The following MTA3 variants were observed in gnomAD, a reference collection of about 807,000 sequenced individuals.
MTA3 encodes metastasis associated 1 family member 3, also known as metastasis-associated protein MTA3.
Under a neutral mutation model 83.5 loss-of-function variants are expected in MTA3, and 34 were observed. The observed-to-expected ratio is 0.41, with a 90% confidence interval of 0.31 to 0.54. The LOEUF is 0.54. MTA3 is among the 20% of genes least tolerant of loss of function. The pLI, the probability that MTA3 is intolerant of heterozygous loss-of-function variation, is 0.33. For missense variants in MTA3, 761 were observed against 726.4 expected (o/e 1.05, Z -0.55); for synonymous variants, 303 against 252.7 (o/e 1.20, Z -1.89).
rs1286672414 is a variant in MTA3 at position 42,755,405 on chromosome 2, G to A, written c.*2006G>A. ...GATTTGGAGACAGGAGTCAGGCCAG[G>A]TCTGAAGCAGGAGAAGGGAGGCCCC... On this transcript the variant is annotated 3_prime_UTR_variant, in exon 17 of 17. Transcript: ENST00000405094. 1.0e-6 allele frequency: 1 copy of A among 985,370 alleles called. No individual in the cohort carries two copies. Among genetic ancestry groups the A allele is most frequent in the African/African-American group, 1.7e-5 (1 of 57,246 alleles). 61.0% of individuals were successfully genotyped at this position (985,370 alleles called of 1,614,324 possible).
intron 3 of MTA3, 33 bp downstream of exon 3, chr2:42,579,233 T>G: frequency 6.7e-7 from 1 of 1,483,000 alleles, no homozygotes; most frequent in African/African-American, 1.4e-5. Context: ...AAAAAACGTT[T>G]TAAGTCTTGT....
intron 6 of MTA3, among the ~76,000 whole-genome samples, chr2:42,649,413 C>CAAAAAAA (rs575738534): frequency 7.7e-6 from 1 of 130,170 alleles, no homozygotes. Flanking sequence ...ACTCCCTCTC[C>CAAAAAAA]AAAAAAAAAA....
At chr2:42,565,692 G>T (rs1016944375), upstream of MTA3, among the ~76,000 whole-genome samples, 1 of 152,020 alleles carries the variant, frequency 6.6e-6, no homozygotes, top group East Asian at 1.9e-4. Context: ...CCCAACAAGT[G>T]CCAAACACCT....
chr2:42,527,828 A>C (rs1675786614), intron 2 of MTA3, among the ~76,000 whole-genome samples: 1 of 151,770 alleles, frequency 6.6e-6, no homozygotes, highest in South Asian at 2.1e-4. Context: ...TGTCTTTAAA[A>C]AAAAAAAAAC....
At chr2:42,634,393 G>A (rs1362671007) in intron 4 of MTA3, among the ~76,000 whole-genome samples, 1 of 152,170 alleles carries the variant, frequency 6.6e-6, no homozygotes, top group African/African-American at 2.4e-5. Context: ...CATGGCTGGG[G>A]AAGACTCAGG....
intron 16 of MTA3, among the ~76,000 whole-genome samples, chr2:42,748,195 A>ATATG (rs1553402275): frequency 3.5e-5 from 2 of 57,538 alleles, no homozygotes; most frequent in African/African-American, 7.9e-5. Flanking sequence ...CATCCAGCTA[A>ATATG]TGTGTTTGTG....
intron 16 of MTA3, 104 bp downstream of exon 16, chr2:42,723,139 T>A (rs1289099745): frequency 4.4e-5 from 58 of 1,312,304 alleles, no homozygotes; most frequent in Non-Finnish European, 5.7e-5. Context: ...GTTCTTGTAT[T>A]CCATGATTGA....
At chr2:42,626,723 A>G (rs1410576056) in intron 4 of MTA3, among the ~76,000 whole-genome samples, 2 of 152,022 alleles carry the variant, frequency 1.3e-5, no homozygotes, top group African/African-American at 2.4e-5. Flanking sequence ...CATTTTTCCT[A>G]GTATTAGCTC....
At position 42,641,951 on chromosome 2, in the gene MTA3, C is replaced by T. The variant is rs565222436; in HGVS notation, c.381+1715C>T. ...CTGTTCACTATTCAGGTGATGGGTA[C>T]ACTAAAAGCCCAGACTTTACCATGA... On this transcript the variant is annotated intron_variant, in intron 5 of 16. Transcript: ENST00000405094. 1.7e-3 allele frequency among the ~76,000 whole-genome samples: 258 copies of T among 151,870 alleles called. 1 individual carries two copies. Among genetic ancestry groups the T allele is most frequent in the African/African-American group, 6.0e-3 (247 of 41,422 alleles).
intron 4 of MTA3, among the ~76,000 whole-genome samples, chr2:42,622,499 G>T (rs2104202378): frequency 6.6e-6 from 1 of 152,236 alleles, no homozygotes; most frequent in Non-Finnish European, 1.5e-5. Flanking sequence ...ACAAATACTT[G>T]CTAATTTGTA....
intron 2 of MTA3, among the ~76,000 whole-genome samples, chr2:42,503,439 G>T (rs894386707): frequency 6.6e-6 from 1 of 152,046 alleles, no homozygotes; most frequent in Non-Finnish European, 1.5e-5. Context: ...ATCTCAACCT[G>T]TGACTAAGAA....
Position 42,586,557 on chromosome 2 carries a change from AACACACACACAC to A in MTA3, c.190+7405_190+7416del, listed in dbSNP as rs68029790. ...AAAACACACACACACAAGGAAGGAA[AACACACACACAC>A]ACACACACACACACACACACACACA... On this transcript the variant is annotated intron_variant, in intron 3 of 16. Coordinates refer to ENST00000405094, the MANE Select transcript of MTA3 (RefSeq NM_001330442.2). Among the ~76,000 whole-genome samples, 844 of 125,900 alleles carry A rather than the reference AACACACACACAC, an allele frequency of 6.7e-3. 16 individuals are homozygous for A. The highest frequency in any genetic ancestry group is 0.021 in the African/African-American group (709 of 33,746). The allele number at this position is 125,900 out of a possible 152,430, so 82.6% of individuals were successfully genotyped here. A position where few individuals can be genotyped will look rare whatever the true frequency, so the allele number is the denominator to read the frequency against.
At chr2:42,614,713 G>A (rs918402218) in intron 4 of MTA3, among the ~76,000 whole-genome samples, 4 of 152,054 alleles carry the variant, frequency 2.6e-5, no homozygotes, top group African/African-American at 7.2e-5. Context: ...AGTGGCTCAT[G>A]CCTGTAATCC....
At chr2:42,724,382 G>T (rs1048563345) in intron 16 of MTA3, among the ~76,000 whole-genome samples, 2 of 147,620 alleles carry the variant, frequency 1.4e-5, no homozygotes, top group Non-Finnish European at 3.0e-5. Flanking sequence ...AGGTCCAGTG[G>T]CTTATGCTTG....
At chr2:42,515,160 G>C (rs1675086034) in intron 2 of MTA3, among the ~76,000 whole-genome samples, 1 of 151,926 alleles carries the variant, frequency 6.6e-6, no homozygotes, top group African/African-American at 2.4e-5. Flanking sequence ...CCGGGTTCAA[G>C]CAATTCTCCT....
intron 4 of MTA3, among the ~76,000 whole-genome samples, chr2:42,622,637 A>G (rs1685694313): frequency 6.6e-6 from 1 of 152,006 alleles, no homozygotes. Flanking sequence ...AACGTAAAGG[A>G]ATCTTTTTAA....
At chr2:42,518,485 C>T (rs1675258528) in intron 2 of MTA3, among the ~76,000 whole-genome samples, 1 of 152,064 alleles carries the variant, frequency 6.6e-6, no homozygotes, top group Admixed American at 6.6e-5. Context: ...AGTAGTATTG[C>T]GTTGTAAGCC....
upstream of MTA3, chr2:42,568,343 G>A (rs916551503): frequency 1.1e-5 from 2 of 176,660 alleles, no homozygotes; most frequent in Non-Finnish European, 2.4e-5. Context: ...ACAGCCCCTG[G>A]TCCGCATTTG....
At chr2:42,629,533 A>C (rs935843572) in intron 4 of MTA3, among the ~76,000 whole-genome samples, 2 of 152,202 alleles carry the variant, frequency 1.3e-5, no homozygotes, top group South Asian at 4.1e-4. Context: ...AGGTTGCAGC[A>C]AAGAAGGAGG....
Sources: gnomAD v4.1 joint callset for allele counts (sites outside exome capture counted in the v4.1 genomes callset) on GRCh38, gnomAD v4.1.1 for gene constraint, MANE v1.5 for transcripts, NCBI Gene and HGNC (gene_info 2026-07-23, HGNC 2026-07-21) for gene names.